The following MTUS2 variants were observed in gnomAD, a reference collection of about 807,000 sequenced individuals.
MTUS2 encodes the protein microtubule-associated tumor suppressor candidate 2.
Under a neutral mutation model 114.1 loss-of-function variants are expected in MTUS2, and 40 were observed. The observed-to-expected ratio is 0.35, with a 90% CI of 0.27 to 0.46. The LOEUF (loss-of-function observed/expected upper bound fraction) is 0.46. Ranked by LOEUF, MTUS2 falls within the 20% of genes least tolerant of loss-of-function variation. MTUS2 has a pLI of 1.00. For synonymous variants in MTUS2, 688 were observed against 672.0 expected, an observed-to-expected ratio of 1.02 and a Z score of -0.37; for missense variants, 1,679 against 1,705.4, an observed-to-expected ratio of 0.98 and a Z score of 0.27.
chr13:29,329,423 G>A (rs9578082), intron 7 of MTUS2, among the ~76,000 whole-genome samples: 28,419 of 151,886 alleles, frequency 0.19, 2,749 homozygotes, highest in Middle Eastern at 0.22. Flanking sequence ...AGTGTGCTGA[G>A]AATGATGGTT....
At chr13:29,317,825 A>C (rs1900070880) in intron 6 of MTUS2, among the ~76,000 whole-genome samples, 1 of 152,166 alleles carries the variant, frequency 6.6e-6, no homozygotes, top group Non-Finnish European at 1.5e-5. Context: ...CATTCTATCC[A>C]ATCCCTATAA....
At chr13:29,131,535 C>G (rs1460130830) in intron 5 of MTUS2, among the ~76,000 whole-genome samples, 1 of 152,254 alleles carries the variant, frequency 6.6e-6, no homozygotes, top group Non-Finnish European at 1.5e-5. Flanking sequence ...CTTCACATGG[C>G]CATGGCAATG....
intron 6 of MTUS2, among the ~76,000 whole-genome samples, chr13:29,312,128 A>T (rs1423797331): frequency 2.6e-5 from 4 of 152,108 alleles, no homozygotes; most frequent in Non-Finnish European, 5.9e-5. Flanking sequence ...CTCAAACATA[A>T]CCTTCTTCAC....
At chr13:29,135,177 G>A (rs1891927478) in intron 5 of MTUS2, among the ~76,000 whole-genome samples, 1 of 152,250 alleles carries the variant, frequency 6.6e-6, no homozygotes, top group South Asian at 2.1e-4. Flanking sequence ...CCACTTATTA[G>A]TCACTTAGTA....
chr13:29,172,119 T>C (rs1893588717), intron 5 of MTUS2, among the ~76,000 whole-genome samples: 1 of 152,220 alleles, frequency 6.6e-6, no homozygotes, highest in South Asian at 2.1e-4. Context: ...GATTGTGGTA[T>C]CATGGAAACA....
intron 5 of MTUS2, among the ~76,000 whole-genome samples, chr13:29,150,789 T>C (rs1269249972): frequency 1.2e-4 from 18 of 152,158 alleles, no homozygotes; most frequent in Non-Finnish European, 1.5e-5. Context: ...ACTTATTGAA[T>C]AGGGAGTCCT....
chr13:28,844,590 AGTGTGT>A (rs60819520), intron 2 of MTUS2, among the ~76,000 whole-genome samples: 2 of 148,098 alleles, frequency 1.4e-5, no homozygotes, highest in East Asian at 2.0e-4. Flanking sequence ...TTTGTGTGTG[AGTGTGT>A]GTGTGTGTGT....
chr13:28,919,676 T>C (rs1880938519), intron 2 of MTUS2, among the ~76,000 whole-genome samples: 1 of 152,212 alleles, frequency 6.6e-6, no homozygotes, highest in African/African-American at 2.4e-5. Context: ...TATCTCTGTC[T>C]CTACTTTCTC....
intron 5 of MTUS2, among the ~76,000 whole-genome samples, chr13:29,194,834 T>G (rs1482130654): frequency 1.3e-5 from 2 of 151,778 alleles, no homozygotes; most frequent in Admixed American, 1.3e-4. Flanking sequence ...AGCAAAGACT[T>G]GGAACCAACC....
At chr13:28,873,449 T>C (rs1877746001) in intron 2 of MTUS2, among the ~76,000 whole-genome samples, 1 of 152,204 alleles carries the variant, frequency 6.6e-6, no homozygotes, top group African/African-American at 2.4e-5. Context: ...ATCCAAATAT[T>C]ACTAGAGTGT....
chr13:28,862,088 A>G (rs189036470), intron 2 of MTUS2, among the ~76,000 whole-genome samples: 3 of 152,320 alleles, frequency 2.0e-5, no homozygotes, highest in Admixed American at 6.5e-5. Context: ...CCCCTTGTCT[A>G]TAGATACCCC....
chr13:29,246,789 C>T (rs1027211533), intron 5 of MTUS2, among the ~76,000 whole-genome samples: 1 of 151,876 alleles, frequency 6.6e-6, no homozygotes, highest in African/African-American at 2.4e-5. Flanking sequence ...ATCCCATGTT[C>T]ATGGATGGGT....
At chr13:29,147,950 T>G (rs1187607433) in intron 5 of MTUS2, among the ~76,000 whole-genome samples, 1 of 152,194 alleles carries the variant, frequency 6.6e-6, no homozygotes, top group Non-Finnish European at 1.5e-5. Context: ...TTCCTTTGGG[T>G]ATGTTCCAGT....
At chr13:29,221,454 A>C (rs1397444977) in intron 5 of MTUS2, among the ~76,000 whole-genome samples, 1 of 151,922 alleles carries the variant, frequency 6.6e-6, no homozygotes, top group Non-Finnish European at 1.5e-5. Context: ...TTTAATTTTC[A>C]GTTTCTGATT....
chr13:28,944,634 A>C (rs192344291), intron 2 of MTUS2, among the ~76,000 whole-genome samples: 1 of 152,306 alleles, frequency 6.6e-6, no homozygotes, highest in African/African-American at 2.4e-5. Flanking sequence ...TTTATTAAGT[A>C]TCTGTGTTTT....
intron 2 of MTUS2, among the ~76,000 whole-genome samples, chr13:28,881,028 T>C (rs1878255714): frequency 6.6e-6 from 1 of 152,168 alleles, no homozygotes; most frequent in Admixed American, 6.6e-5. Flanking sequence ...GTTTGTTACG[T>C]GGATATACTG....
At chr13:29,327,386 C>G (rs1475485956) in intron 7 of MTUS2, among the ~76,000 whole-genome samples, 2 of 152,150 alleles carry the variant, frequency 1.3e-5, no homozygotes, top group Non-Finnish European at 2.9e-5. Flanking sequence ...CTTTGTCATA[C>G]CACCTGCCTA....
chr13:29,030,047 G>A (rs1029647303), intron 3 of MTUS2, among the ~76,000 whole-genome samples: 2 of 152,176 alleles, frequency 1.3e-5, no homozygotes, highest in African/African-American at 2.4e-5. Context: ...ATTTGGATAT[G>A]TAGGCCCAAA....
At chr13:29,281,148 C>T (rs78992843) in intron 5 of MTUS2, among the ~76,000 whole-genome samples, 1,607 of 152,238 alleles carry the variant, frequency 0.011, 27 homozygotes, top group African/African-American at 0.036. Flanking sequence ...GAGATTCTCT[C>T]GTCCCCATGC....
Sources: gnomAD v4.1 joint callset for allele counts (sites outside exome capture counted in the v4.1 genomes callset) on GRCh38, gnomAD v4.1.1 for gene constraint, MANE v1.5 for transcripts, NCBI Gene and HGNC (gene_info 2026-07-23, HGNC 2026-07-21) for gene names.